NTRK3: variants seen among roughly 807,000 people sequenced by gnomAD.
NTRK3 encodes the protein NT-3 growth factor receptor.
Under a neutral mutation model 91.7 loss-of-function variants are expected in NTRK3, and 24 were observed. The ratio of observed to expected loss-of-function variants is 0.26; its 90% CI spans 0.19 to 0.37. NTRK3 has a LOEUF of 0.37. NTRK3 is among the 10% of genes least tolerant of loss of function. The probability of loss-of-function intolerance (pLI) is 1.00; values close to 1 mark genes in which losing one functional copy is unlikely to be tolerated. For missense variants in NTRK3, 880 were observed against 1,068.9 expected, an observed-to-expected ratio of 0.82 and a Z score of 2.46; for synonymous variants, 483 against 404.0, an observed-to-expected ratio of 1.20 and a Z score of -2.34.
chr15:88,024,006 G>A (rs528894337), intron 14 of NTRK3, among the ~76,000 whole-genome samples: 5 of 152,324 alleles, frequency 3.3e-5, no homozygotes, highest in African/African-American at 4.8e-5. Flanking sequence ...TACGCTAAGC[G>A]ATGTTTGTTA....
intron 3 of NTRK3, among the ~76,000 whole-genome samples, chr15:88,207,514 G>A (rs1256333636): frequency 6.6e-6 from 1 of 152,228 alleles, no homozygotes; most frequent in Non-Finnish European, 1.5e-5. Flanking sequence ...CAGGTTATGT[G>A]CTATCACTGT....
At chr15:88,123,749 T>G (rs1005941090) in intron 13 of NTRK3, among the ~76,000 whole-genome samples, 19 of 152,174 alleles carry the variant, frequency 1.2e-4, no homozygotes, top group African/African-American at 4.6e-4. Flanking sequence ...CATAGGCATA[T>G]TCAAAGATTT....
chr15:88,081,308 C>A (rs1054995407), intron 13 of NTRK3, among the ~76,000 whole-genome samples: 3 of 152,072 alleles, frequency 2.0e-5, no homozygotes, highest in Non-Finnish European at 4.4e-5. Context: ...TGGGATGTGT[C>A]CCACACCTGC....
At chr15:87,904,935 T>A (rs16941001) in intron 17 of NTRK3, among the ~76,000 whole-genome samples, 16,883 of 152,144 alleles carry the variant, frequency 0.11, 1,143 homozygotes, top group African/African-American at 0.19. Flanking sequence ...GAAAGTGGAG[T>A]ATCCTATGGA....
chr15:87,880,308 A>T (rs778172624), exon 18 of NTRK3: 1 of 1,614,108 alleles, frequency 6.2e-7, no homozygotes, highest in Non-Finnish European at 8.5e-7. Flanking sequence ...TGCTTTCCAT[A>T]GGTGAAGATC....
chr15:87,984,596 G>A (rs904671814), intron 14 of NTRK3, among the ~76,000 whole-genome samples: 8 of 152,226 alleles, frequency 5.3e-5, no homozygotes, highest in African/African-American at 1.9e-4. Flanking sequence ...TTATTACTCT[G>A]AGATTGCAAA....
intron 5 of NTRK3, among the ~76,000 whole-genome samples, chr15:88,147,885 G>A (rs1043329532): frequency 6.6e-6 from 1 of 152,160 alleles, no homozygotes; most frequent in East Asian, 1.9e-4. Context: ...CAAGACATCA[G>A]CCTTTTGTTC....
intron 14 of NTRK3, among the ~76,000 whole-genome samples, chr15:87,993,244 GGCAGGAAAT>G (rs2075424588): frequency 6.6e-6 from 1 of 152,140 alleles, no homozygotes; most frequent in South Asian, 2.1e-4. Flanking sequence ...GTCAGAATCT[GGCAGGAAAT>G]GCAATCAGTA....
At chr15:88,023,654 C>A (rs910252039) in intron 14 of NTRK3, among the ~76,000 whole-genome samples, 2 of 152,156 alleles carry the variant, frequency 1.3e-5, no homozygotes, top group African/African-American at 2.4e-5. Flanking sequence ...CTATTTCTCT[C>A]CCATGTCACA....
chr15:87,884,196 G>A (rs1029063001), intron 17 of NTRK3, among the ~76,000 whole-genome samples: 3 of 151,354 alleles, frequency 2.0e-5, no homozygotes, highest in African/African-American at 7.3e-5. Context: ...GATTAATAAG[G>A]GATGTAGAGG....
In NTRK3 at chr15:88,206,441, G is replaced by A. The variant is rs867678926; in HGVS notation, c.249-22142C>T. Reference sequence around the variant, plus strand: ...TGGAAGGCCGAGGCGGGCGGATCACGAGGTCAGGAGATGGAGACCATCCTG... The same window carrying A: ...TGGAAGGCCGAGGCGGGCGGATCACAAGGTCAGGAGATGGAGACCATCCTG... On this transcript the variant is annotated intron_variant, in intron 3 of 18. Transcript: ENST00000394480. 4.0e-3 allele frequency among the ~76,000 whole-genome samples: 603 copies of A among 149,412 alleles called. 4 individuals are homozygous for A. Among genetic ancestry groups the A allele is most frequent in the African/African-American group, 0.014 (560 of 40,604 alleles).
At chr15:87,977,024 G>C (rs1048602884) in intron 14 of NTRK3, among the ~76,000 whole-genome samples, 3 of 152,132 alleles carry the variant, frequency 2.0e-5, no homozygotes, top group Non-Finnish European at 4.4e-5. Context: ...AAGGAGTGAG[G>C]GTCTCAGTGG....
chr15:88,147,236 G>T, intron 6 of NTRK3, 99 bp downstream of exon 6: 1 of 1,107,014 alleles, frequency 9.0e-7, no homozygotes, highest in Non-Finnish European at 1.4e-6. Context: ...TCGAGTAGAT[G>T]TATGCTCAGC....
At position 87,932,925 on chromosome 15, in the gene NTRK3, G is replaced by A. The variant is rs185258572; in HGVS notation, c.1889+87C>T. ...CATCCTGAGAGGAAAGTGTTTAGAG[G>A]GGGTAGTATAATTTCTGGCTCCAGG... On this transcript the variant is annotated intron_variant, in intron 16 of 18. Transcript: ENST00000394480. The A allele has an allele frequency of 6.0e-5, 78 of 1,298,552 alleles. 1 individual carries two copies. In the African/African-American group the frequency reaches 8.6e-4, roughly 14 times the overall value. The allele number at this position is 1,298,552 out of a possible 1,614,324, so 80.4% of individuals were successfully genotyped here.
chr15:87,936,117 A>G (rs1352635236), intron 15 of NTRK3, among the ~76,000 whole-genome samples: 3 of 152,128 alleles, frequency 2.0e-5, no homozygotes, highest in Non-Finnish European at 4.4e-5. Context: ...TAACATCTTC[A>G]TGTCTGGGAA....
chr15:88,171,963 G>A lies in NTRK3; in HGVS notation c.395+11455C>T, dbSNP rs538285832. Among the ~76,000 whole-genome samples, 30 of 152,372 alleles carry A rather than the reference G, an allele frequency of 2.0e-4. No homozygotes were observed. In the East Asian group the frequency reaches 4.1e-3, roughly 21 times the overall value. On this transcript the variant is annotated intron_variant, in intron 5 of 18. Transcript: ENST00000394480. ...TTTCCACAGGCATATTTCAGGCCTC[G>A]CCTGGACCCCTCAGATGGGTTTCAA...
chr15:88,067,925 T>C (rs887215925), intron 13 of NTRK3, among the ~76,000 whole-genome samples: 1 of 152,190 alleles, frequency 6.6e-6, no homozygotes, highest in Non-Finnish European at 1.5e-5. Context: ...ATGTTGTTAT[T>C]ATCCTCATTA....
At chr15:88,035,916 G>C (rs1167585790) in intron 13 of NTRK3, among the ~76,000 whole-genome samples, 1 of 152,118 alleles carries the variant, frequency 6.6e-6, no homozygotes, top group Non-Finnish European at 1.5e-5. Context: ...AAAGTTAAAG[G>C]AGAGTGGAAG....
At chr15:88,003,934 AG>A (rs1288483161) in intron 14 of NTRK3, among the ~76,000 whole-genome samples, 1 of 151,646 alleles carries the variant, frequency 6.6e-6, no homozygotes, top group Non-Finnish European at 1.5e-5. Context: ...CTGGTCAAAG[AG>A]TCTCTTGAAA....
Sources: gnomAD v4.1 joint callset for allele counts (sites outside exome capture counted in the v4.1 genomes callset) on GRCh38, gnomAD v4.1.1 for gene constraint, MANE v1.5 for transcripts, NCBI Gene and HGNC (gene_info 2026-07-23, HGNC 2026-07-21) for gene names.